BCAS3: variants seen among roughly 807,000 people sequenced by gnomAD.
BCAS3 encodes BCAS4/BCAS3 fusion.
A neutral mutation model predicts 116.1 loss-of-function variants in BCAS3; 53 were observed. The observed-to-expected ratio is 0.46, with a 90% CI of 0.37 to 0.57. BCAS3 has a LOEUF of 0.57. Ranked by LOEUF, BCAS3 falls within the 20% of genes least tolerant of loss-of-function variation. The probability of loss-of-function intolerance (pLI) is 0.00; values close to 1 mark genes in which losing one functional copy is unlikely to be tolerated. For missense variants in BCAS3, 917 were observed against 1,165.4 expected (o/e 0.79, Z 3.10); for synonymous variants, 391 against 408.2 (o/e 0.96, Z 0.51).
At chr17:60,706,435 G>T (rs2037147925) in intron 4 of BCAS3, among the ~76,000 whole-genome samples, 1 of 151,776 alleles carries the variant, frequency 6.6e-6, no homozygotes, top group African/African-American at 2.4e-5. Context: ...GAAGAATACA[G>T]TATATAAAAC....
At position 61,136,599 on chromosome 17, in the gene BCAS3, G is replaced by A. The variant is rs549698478; in HGVS notation, c.2425+52035G>A. On this transcript the variant is annotated intron_variant, in intron 22 of 23. Coordinates refer to ENST00000407086, the MANE Select transcript of BCAS3 (RefSeq NM_017679.5). The surrounding 1 kb of genome is among the most constrained non-coding windows in gnomAD (Gnocchi z 4.4). ...TGAGAGACGGAGGCTGGATGTTGTC[G>A]CCCAGGCTGGAGTGCAGTAGCGCGA... Among the ~76,000 whole-genome samples the A allele has an allele frequency of 6.6e-6, 1 of 152,182 alleles. No individual in the cohort carries two copies. Among genetic ancestry groups the A allele is most frequent in the African/African-American group, 2.4e-5 (1 of 41,516 alleles).
rs2059544195 is a variant in BCAS3 at position 61,380,288 on chromosome 17, A to C, written c.2594-11689A>C. The C allele has an allele frequency of 5.2e-6, 3 of 573,000 alleles. No homozygotes were observed. The highest frequency in any genetic ancestry group is 9.4e-6 in the Non-Finnish European group (3 of 318,870). The allele number at this position is 573,000 out of a possible 1,614,324, so 35.5% of individuals were successfully genotyped here. On this transcript the variant is annotated intron_variant, in intron 23 of 23. Coordinates refer to ENST00000407086, the MANE Select transcript of BCAS3 (RefSeq NM_017679.5). This position sits in a 1 kb window ranked among gnomAD's most constrained non-coding sequence, Gnocchi z 4.2. ...AGGAACTCAGGCAGCTGGACTGGGG[A>C]GGAGGGAGAGAGGGAAGGATGATAC... is the stretch of plus-strand genomic sequence containing the variant.
Position 61,040,892 on chromosome 17 carries a change from C to T in BCAS3, c.2029C>T (p.Leu677=), listed in dbSNP as rs756641830. The change falls in exon 19 of 24, where the codon CTG becomes TTG. Residue 677 remains leucine, a splice_region_variant and synonymous_variant. Transcript: ENST00000407086. ...GTATTATCAGTTCCTGCTTGCTGGC[C>T]GTAAGTAGTTCAGATTTTTTTTTTC... ...VQYYQFLLAG[L]VPPGSPGPIT... The T allele has an allele frequency of 3.2e-5, 51 of 1,612,138 alleles. No homozygotes were observed. The highest frequency in any genetic ancestry group is 1.6e-4 in the Middle Eastern group (1 of 6,074).
chr17:60,917,525 A>T (rs962673775), intron 12 of BCAS3, among the ~76,000 whole-genome samples: 1 of 152,194 alleles, frequency 6.6e-6, no homozygotes, highest in African/African-American at 2.4e-5. Context: ...ATTCCACTGA[A>T]TGTGTATACT....
At chr17:61,331,705 A>G (rs143581773) in intron 22 of BCAS3, among the ~76,000 whole-genome samples, 34 of 152,312 alleles carry the variant, frequency 2.2e-4, no homozygotes, top group Middle Eastern at 6.8e-3. Context: ...AATCCTTCCT[A>G]CATCCCACTC....
intron 11 of BCAS3, among the ~76,000 whole-genome samples, chr17:60,904,024 T>A (rs1174408987): frequency 1.3e-5 from 2 of 152,190 alleles, no homozygotes. Flanking sequence ...TTCTTATGTG[T>A]TTATGTGCTT....
intron 22 of BCAS3, among the ~76,000 whole-genome samples, chr17:61,267,337 G>A (rs1029152430): frequency 3.3e-5 from 5 of 151,998 alleles, no homozygotes; most frequent in East Asian, 2.0e-4. Flanking sequence ...GATTACAGGC[G>A]TGAGCCACTG....
At chr17:61,108,667 A>C (rs1305826134) in intron 22 of BCAS3, among the ~76,000 whole-genome samples, 4 of 150,250 alleles carry the variant, frequency 2.7e-5, no homozygotes, top group African/African-American at 9.8e-5. Context: ...TACATGAATA[A>C]GTTCTTTGGT....
chr17:60,812,090 T>C (rs2048885874), intron 7 of BCAS3, among the ~76,000 whole-genome samples: 1 of 151,838 alleles, frequency 6.6e-6, no homozygotes, highest in Non-Finnish European at 1.5e-5. Flanking sequence ...TTTTCATAAG[T>C]TGTTTTATGG....
Position 61,388,872 on chromosome 17 carries a change from G to T in BCAS3, c.2594-3105G>T, listed in dbSNP as rs991000837. 7 of 666,078 alleles carry T rather than the reference G, an allele frequency of 1.1e-5. No homozygotes were observed. The highest frequency in any genetic ancestry group is 3.0e-5 in the Admixed American group (1 of 32,804). The allele number at this position is 666,078 out of a possible 1,614,324, so 41.3% of individuals were successfully genotyped here. ...TCTGAGAGGAGGCGTGGAGAAAAGC[G>T]CCCACAAAGCTGCCCCGGGGCCAGC... On this transcript the variant is annotated intron_variant, in intron 23 of 23. Coordinates refer to ENST00000407086, the MANE Select transcript of BCAS3 (RefSeq NM_017679.5). The surrounding 1 kb of genome is among the most constrained non-coding windows in gnomAD (Gnocchi z 6.5).
intron 19 of BCAS3, among the ~76,000 whole-genome samples, chr17:61,047,610 T>C (rs1315559937): frequency 1.3e-5 from 2 of 152,034 alleles, no homozygotes; most frequent in Admixed American, 6.6e-5. Flanking sequence ...ACATACTATA[T>C]TGCCTTCCAA....
intron 22 of BCAS3, among the ~76,000 whole-genome samples, chr17:61,175,874 G>A (rs1352061725): frequency 1.3e-5 from 2 of 152,056 alleles, no homozygotes; most frequent in South Asian, 2.1e-4. Context: ...GGTGGCTCAC[G>A]CCTGTAATTC....
chr17:60,782,342 A>G (rs1568239386), intron 6 of BCAS3, among the ~76,000 whole-genome samples: 1 of 152,074 alleles, frequency 6.6e-6, no homozygotes, highest in Non-Finnish European at 1.5e-5. Flanking sequence ...AACAGCCACT[A>G]TTTTTTGAGG....
chr17:60,911,361 C>T (rs77676656), intron 12 of BCAS3, among the ~76,000 whole-genome samples: 4 of 151,866 alleles, frequency 2.6e-5, no homozygotes, highest in East Asian at 1.9e-4. Context: ...TGCAGTGGCA[C>T]GATCTTGGCT....
At position 61,366,236 on chromosome 17, in the gene BCAS3, A is replaced by G. The variant is rs2058725128; in HGVS notation, c.2426-2091A>G. The stretch of plus-strand genomic sequence containing the variant: ...TGCGTCGCATGCAGACCCTTCAGAG[A>G]AACGATGATGCTTTAGCACTGTAGC... On this transcript the variant is annotated intron_variant, in intron 22 of 23. Transcript: ENST00000407086. This position sits in a 1 kb window ranked among gnomAD's most constrained non-coding sequence, Gnocchi z 4.5. 6.6e-6 allele frequency among the ~76,000 whole-genome samples: 1 copy of G among 152,070 alleles called. No individual in the cohort carries two copies. Among genetic ancestry groups the G allele is most frequent in the Non-Finnish European group, 1.5e-5 (1 of 68,020 alleles).
Position 61,327,176 on chromosome 17 carries a change from G to A in BCAS3, c.2426-41151G>A, listed in dbSNP as rs898696706. ...AAATTAGCTGGGTGTGGTGGCGGGC[G>A]CCTGTAGTCCCAGCTACTAGGGAGG... is the stretch of plus-strand genomic sequence containing the variant. On this transcript the variant is annotated intron_variant, in intron 22 of 23. Coordinates refer to ENST00000407086, the MANE Select transcript of BCAS3 (RefSeq NM_017679.5). The surrounding 1 kb of genome is among the most constrained non-coding windows in gnomAD (Gnocchi z 5.9). 3.3e-5 allele frequency among the ~76,000 whole-genome samples: 5 copies of A among 152,012 alleles called. No individual in the cohort carries two copies. Among genetic ancestry groups the A allele is most frequent in the East Asian group, 3.9e-4 (2 of 5,136 alleles).
intron 15 of BCAS3, among the ~76,000 whole-genome samples, chr17:60,991,555 C>G: frequency 6.6e-6 from 1 of 152,118 alleles, no homozygotes; most frequent in East Asian, 1.9e-4. Context: ...GATGGGTGAC[C>G]ATTTTAGGTT....
At chr17:60,939,460 AC>A (rs2060113398) in intron 13 of BCAS3, among the ~76,000 whole-genome samples, 1 of 152,266 alleles carries the variant, frequency 6.6e-6, no homozygotes, top group Admixed American at 6.5e-5. Flanking sequence ...AAAACTAGAA[AC>A]AGCTACGGAA....
At position 60,951,384 on chromosome 17, in the gene BCAS3, A is replaced by G. The variant is rs192049072; in HGVS notation, c.1221+4032A>G. On this transcript the variant is annotated intron_variant, in intron 14 of 23. Transcript: ENST00000407086. ...TTGCATGTTTTTCATGATATAAGTA[A>G]TACATAATAACATTTTGGAGGTAAA... 3.3e-5 allele frequency among the ~76,000 whole-genome samples: 5 copies of G among 152,294 alleles called. No homozygotes were observed. In the East Asian group the frequency reaches 5.8e-4, roughly 18 times the overall value.
Sources: allele counts gnomAD v4.1 joint callset (sites outside exome capture counted in the v4.1 genomes callset), GRCh38; gene constraint gnomAD v4.1.1; non-coding constraint Gnocchi (gnomAD v3.1); transcripts MANE v1.5; gene names NCBI Gene and HGNC (gene_info 2026-07-23, HGNC 2026-07-21).